The following PCDHGA11 variants were observed in gnomAD, a reference collection of about 807,000 sequenced individuals.
The protein encoded by PCDHGA11 is protocadherin gamma subfamily A, 11, also known as protocadherin gamma-A11.
Under a neutral mutation model 60.4 loss-of-function variants are expected in PCDHGA11, and 39 were observed. That is an observed-to-expected ratio of 0.65 (90% CI 0.50 to 0.84). The LOEUF (loss-of-function observed/expected upper bound fraction) is 0.84. Ranked by LOEUF, PCDHGA11 falls within the 40% of genes least tolerant of loss-of-function variation. The pLI, the probability that PCDHGA11 is intolerant of heterozygous loss-of-function variation, is 0.00. For synonymous variants in PCDHGA11, 533 were observed against 510.3 expected (o/e 1.04, Z -0.60); for missense variants, 1,165 against 1,197.7 (o/e 0.97, Z 0.40).
At chr5:141,497,553 T>C (rs2099777684) in intron 2 of PCDHGA11, among the ~76,000 whole-genome samples, 1 of 151,326 alleles carries the variant, frequency 6.6e-6, no homozygotes, top group South Asian at 2.1e-4. Context: ...TTTTTTTTTT[T>C]TTTTTAGACA....
At chr5:141,479,671 G>A (rs1484965995) in intron 1 of PCDHGA11, 1 of 152,196 alleles carries the variant, frequency 6.6e-6, no homozygotes, top group Non-Finnish European at 1.5e-5. Flanking sequence ...AACTACAAAA[G>A]GAGAGTCTTT....
intron 1 of PCDHGA11, chr5:141,427,227 A>G (rs111948686): frequency 8.8e-6 from 4 of 456,798 alleles, no homozygotes; most frequent in African/African-American, 4.0e-5. Flanking sequence ...CAGTTATACC[A>G]TGAGAGTAGA....
chr5:141,478,199 C>T lies in PCDHGA11; in HGVS notation c.2434-16608C>T, dbSNP rs759439765. 3.7e-6 allele frequency: 6 copies of T among 1,614,056 alleles called. No homozygotes were observed. The Middle Eastern group carries it at 6.6e-4, about 178-fold the overall frequency. On this transcript the variant is annotated intron_variant, in intron 1 of 3. Coordinates refer to ENST00000398587, the MANE Select transcript of PCDHGA11 (RefSeq NM_018914.3). ...GAAAAAAAATCTCACCTTTTATCTA[C>T]TTCTTTCTCTAATCCTGGTTTCTGT...
chr5:141,482,622 A>G (rs1197606374), intron 1 of PCDHGA11, among the ~76,000 whole-genome samples: 1 of 151,936 alleles, frequency 6.6e-6, no homozygotes, highest in Non-Finnish European at 1.5e-5. Context: ...AGCCTGGAGA[A>G]AGGAAGAAAT....
At position 141,511,146 on chromosome 5, in the gene PCDHGA11, G is replaced by T; in HGVS notation, c.2781G>T (p.Lys927Asn). 1 of 1,614,208 alleles carries T rather than the reference G, an allele frequency of 6.2e-7. No individual in the cohort carries two copies. Among genetic ancestry groups the T allele is most frequent in the Non-Finnish European group, 8.5e-7 (1 of 1,180,018 alleles). The change falls in exon 4 of 4, where the codon AAG becomes AAT. Residue 927 changes from lysine to asparagine, a missense_variant. Lys to Asn is a moderately conservative substitution (Grantham distance 94). Coordinates refer to ENST00000398587, the MANE Select transcript of PCDHGA11 (RefSeq NM_018914.3). Reference protein sequence around the residue: ...KAPAGGNGNKKKSGKKEKK With the variant: ...KAPAGGNGNKNKSGKKEKK The stretch of plus-strand genomic sequence containing the variant: ...CAGCAGGTGGCAATGGCAACAAGAA[G>T]AAGTCGGGCAAGAAGGAGAAGAAGT...
chr5:141,478,272 A>T, intron 1 of PCDHGA11: 7 of 1,614,160 alleles, frequency 4.3e-6, no homozygotes, highest in Non-Finnish European at 5.9e-6. Context: ...AAAGTTTACA[A>T]GTGGAAGCAG....
chr5:141,426,629 T>G (rs1384012221), intron 1 of PCDHGA11: 4 of 397,284 alleles, frequency 1.0e-5, no homozygotes, highest in South Asian at 7.2e-5. Context: ...CTCTAAATGT[T>G]TTTCACATAA....
chr5:141,494,705 G>C, intron 1 of PCDHGA11, 102 bp from the exon 2 acceptor site: 1 of 1,597,990 alleles, frequency 6.3e-7, no homozygotes, highest in Non-Finnish European at 8.6e-7. Flanking sequence ...TTTCTTCTCT[G>C]TGCCCACTCC....
chr5:141,445,889 C>A (rs920382027), intron 1 of PCDHGA11, among the ~76,000 whole-genome samples: 6 of 152,110 alleles, frequency 3.9e-5, no homozygotes, highest in African/African-American at 1.4e-4. Context: ...TACTTAGGAG[C>A]TATTAAAATA....
intron 1 of PCDHGA11, chr5:141,428,239 G>T (rs1183885220): frequency 3.0e-6 from 3 of 997,526 alleles, no homozygotes; most frequent in Non-Finnish European, 4.6e-6. Flanking sequence ...CCTGCAGGAG[G>T]CACTGCCAGA....
chr5:141,470,680 T>C (rs1212361233), intron 1 of PCDHGA11, among the ~76,000 whole-genome samples: 1 of 152,090 alleles, frequency 6.6e-6, no homozygotes, highest in Non-Finnish European at 1.5e-5. Context: ...GCTGTTACCA[T>C]CTTGAAATTC....
At chr5:141,445,890 T>A (rs1435563284) in intron 1 of PCDHGA11, among the ~76,000 whole-genome samples, 1 of 152,210 alleles carries the variant, frequency 6.6e-6, no homozygotes, top group Non-Finnish European at 1.5e-5. Flanking sequence ...ACTTAGGAGC[T>A]ATTAAAATAT....
In PCDHGA11 at chr5:141,486,671, C is replaced by A. The variant is rs1307620045; in HGVS notation, c.2434-8136C>A. On this transcript the variant is annotated intron_variant, in intron 1 of 3. Coordinates refer to ENST00000398587, the MANE Select transcript of PCDHGA11 (RefSeq NM_018914.3). The surrounding 1 kb of genome is among the most constrained non-coding windows in gnomAD (Gnocchi z 5.0). The stretch of plus-strand genomic sequence containing the variant: ...CTACTCACTCCTGGAGCCCAGGAAT[C>A]GAGATGTATCAGCTTCCTCTTTCAT... 1.9e-6 allele frequency: 3 copies of A among 1,614,044 alleles called. No individual in the cohort carries two copies. The highest frequency in any genetic ancestry group is 2.5e-6 in the Non-Finnish European group (3 of 1,180,014).
chr5:141,464,208 T>G (rs915798868), intron 1 of PCDHGA11, among the ~76,000 whole-genome samples: 1 of 148,120 alleles, frequency 6.8e-6, no homozygotes, highest in Admixed American at 6.9e-5. Context: ...GAGATTGCAG[T>G]GAGCTGAGAT....
rs752071139 is a variant in PCDHGA11 at position 141,422,722 on chromosome 5, G to A, written c.1495G>A (p.Gly499Arg). ...CTCTCTGACGGATGACACTGTCCAG[G>A]GGGTGCCTCTGTCCTCCTATGTCTC... ...TYSLTDDTVQ[G>R]VPLSSYVSIN... Residue 499 changes from glycine to arginine, a missense_variant, in exon 1 of 4, where the codon GGG (glycine) becomes AGG (arginine). Gly to Arg is a moderately radical substitution (Grantham distance 125). Coordinates refer to ENST00000398587, the MANE Select transcript of PCDHGA11 (RefSeq NM_018914.3). The A allele has an allele frequency of 2.4e-5, 39 of 1,605,774 alleles. No homozygotes were observed. In the South Asian group the frequency reaches 4.0e-4, roughly 17 times the overall value.
At chr5:141,430,581 C>A in intron 1 of PCDHGA11, 1 of 483,436 alleles carries the variant, frequency 2.1e-6, no homozygotes, top group Non-Finnish European at 3.4e-6. Context: ...GGAGATCCTG[C>A]TCGCCTTGCA....
At chr5:141,435,172 T>G (rs1406204282) in intron 1 of PCDHGA11, among the ~76,000 whole-genome samples, 1 of 152,198 alleles carries the variant, frequency 6.6e-6, no homozygotes, top group Non-Finnish European at 1.5e-5. Context: ...GAGTGGCTTT[T>G]AACTACACTT....
rs2099401367 is a variant in PCDHGA11 at position 141,476,906 on chromosome 5, G to C, written c.2434-17901G>C. ...GGATGCACCCTCCGGCACGCGCGTG[G>C]TACAAGTCCTTGCAACGGATCTGGA... is the stretch of plus-strand genomic sequence containing the variant. On this transcript the variant is annotated intron_variant, in intron 1 of 3. Coordinates refer to ENST00000398587, the MANE Select transcript of PCDHGA11 (RefSeq NM_018914.3). The surrounding 1 kb of genome is among the most constrained non-coding windows in gnomAD (Gnocchi z 7.6). 2 of 1,614,050 alleles carry C rather than the reference G, an allele frequency of 1.2e-6. No homozygotes were observed. The highest frequency in any genetic ancestry group is 1.7e-6 in the Non-Finnish European group (2 of 1,180,044).
rs1024686607 is a variant in PCDHGA11, at chr5:141,487,597, T to C, written c.2434-7210T>C. 6.2e-7 allele frequency: 1 copy of C among 1,614,178 alleles called. No homozygotes were observed. The highest frequency in any genetic ancestry group is 8.5e-7 in the Non-Finnish European group (1 of 1,180,040). ...TTCGCCCAAGCTGCCCACCCTCTGA[T>C]CTTCTCTATGGGCTAGAGGTGAGAC... On this transcript the variant is annotated intron_variant, in intron 1 of 3. Coordinates refer to ENST00000398587, the MANE Select transcript of PCDHGA11 (RefSeq NM_018914.3). The surrounding 1 kb of genome is among the most constrained non-coding windows in gnomAD (Gnocchi z 5.0).
Sources: gnomAD v4.1 joint callset for allele counts (sites outside exome capture counted in the v4.1 genomes callset) on GRCh38, gnomAD v4.1.1 for gene constraint, Gnocchi (gnomAD v3.1) non-coding constraint, MANE v1.5 for transcripts, NCBI Gene and HGNC (gene_info 2026-07-23, HGNC 2026-07-21) for gene names.